FAM53A: variants seen among roughly 807,000 people sequenced by gnomAD.
FAM53A encodes protein FAM53A.
A neutral mutation model predicts 26.6 loss-of-function variants in FAM53A; 28 were observed. The ratio of observed to expected loss-of-function variants is 1.05; its 90% CI spans 0.78 to 1.45. FAM53A has a LOEUF of 1.45. Among genes scored for constraint, FAM53A ranks in the 40% most tolerant of loss-of-function variants. FAM53A has a pLI of 0.00. For missense variants in FAM53A, 650 were observed against 575.8 expected, an observed-to-expected ratio of 1.13 and a Z score of -1.32; for synonymous variants, 290 against 253.1, an observed-to-expected ratio of 1.15 and a Z score of -1.38.
In FAM53A at chr4:1,659,401, C is replaced by A. The variant is rs55656010; in HGVS notation, c.76-1933G>T. Among the ~76,000 whole-genome samples the A allele has an allele frequency of 0.28, 42,716 of 152,174 alleles. 6,568 individuals are homozygous for A. Among genetic ancestry groups the A allele is most frequent in the Middle Eastern group, 0.47 (138 of 294 alleles). On this transcript the variant is annotated intron_variant, in intron 2 of 4. Transcript: ENST00000308132. The surrounding 1 kb of genome is among the most constrained non-coding windows in gnomAD (Gnocchi z 5.2). ...TCCGCACAGCACCCGTTCCCCGGGG[C>A]CACATGAACAGCACCCAGCTCGACG...
At chr4:1,627,093 C>T (rs1372095811) in intron 1 of FAM53A, among the ~76,000 whole-genome samples, 1 of 152,196 alleles carries the variant, frequency 6.6e-6, no homozygotes, top group Non-Finnish European at 1.5e-5. Context: ...GAGGGTGGGG[C>T]TTCGCTCCGG....
the FAM53A span, among the ~76,000 whole-genome samples, chr4:1,595,544 TG>T: frequency 6.6e-6 from 1 of 152,050 alleles, no homozygotes; most frequent in Non-Finnish European, 1.5e-5. Flanking sequence ...GTGGGAGCCC[TG>T]GGAAGTCACC....
At chr4:1,604,702 C>T in the FAM53A span, among the ~76,000 whole-genome samples, 1 of 152,150 alleles carries the variant, frequency 6.6e-6, no homozygotes, top group African/African-American at 2.4e-5. Flanking sequence ...GGGGCCCTTC[C>T]CGGGACTAAC....
At chr4:1,604,237 C>T in the FAM53A span, among the ~76,000 whole-genome samples, 77 of 152,304 alleles carry the variant, frequency 5.1e-4, no homozygotes, top group South Asian at 0.012. Flanking sequence ...TCGAGGCTGC[C>T]GCACCCACCC....
chr4:1,679,729 A>C (rs1023539191), intron 1 of FAM53A, among the ~76,000 whole-genome samples: 48 of 151,040 alleles, frequency 3.2e-4, no homozygotes, highest in African/African-American at 1.2e-3. Context: ...TAAAGAAAAA[A>C]TTGGGGCAAA....
At chr4:1,649,474 C>G (rs1712557153) in intron 4 of FAM53A, among the ~76,000 whole-genome samples, 1 of 152,216 alleles carries the variant, frequency 6.6e-6, no homozygotes, top group South Asian at 2.1e-4. Context: ...GAGCCCGATC[C>G]TCCTCCCACT....
intron 1 of FAM53A, among the ~76,000 whole-genome samples, chr4:1,676,239 G>A (rs190808480): frequency 1.0e-3 from 155 of 152,222 alleles, no homozygotes; most frequent in Admixed American, 2.0e-3. Context: ...TCTGGGGAGG[G>A]ACTGATCAGG....
the FAM53A span, among the ~76,000 whole-genome samples, chr4:1,609,349 C>T: frequency 6.6e-6 from 1 of 152,108 alleles, no homozygotes; most frequent in Non-Finnish European, 1.5e-5. Context: ...CACGGGAAGG[C>T]CCAGGCCTGC....
intron 1 of FAM53A, among the ~76,000 whole-genome samples, chr4:1,633,597 T>C (rs1715707755): frequency 6.6e-6 from 1 of 151,884 alleles, no homozygotes; most frequent in African/African-American, 2.4e-5. Context: ...AATTAATGAA[T>C]TGGAAACAAG....
the FAM53A span, among the ~76,000 whole-genome samples, chr4:1,577,907 C>T: frequency 2.5e-5 from 2 of 78,790 alleles, no homozygotes; most frequent in South Asian, 9.1e-4. Context: ...GGCTGCGGGT[C>T]GGGGGCTGCA....
intron 1 of FAM53A, among the ~76,000 whole-genome samples, chr4:1,622,628 G>A (rs1297065795): frequency 6.6e-6 from 1 of 152,246 alleles, no homozygotes; most frequent in South Asian, 2.1e-4. Context: ...TGCCCATTTG[G>A]GGGTCTGGCG....
the FAM53A span, among the ~76,000 whole-genome samples, chr4:1,595,736 C>T: frequency 6.6e-6 from 1 of 152,244 alleles, no homozygotes; most frequent in African/African-American, 2.4e-5. Flanking sequence ...TCCAGCCGGG[C>T]AGAGAGGAAG....
chr4:1,677,363 T>C (rs1461537137), intron 1 of FAM53A, among the ~76,000 whole-genome samples: 4 of 152,194 alleles, frequency 2.6e-5, no homozygotes, highest in Non-Finnish European at 4.4e-5. Context: ...CTTGCTGCTG[T>C]TGCCGCTGTT....
chr4:1,612,631 G>A, the FAM53A span, among the ~76,000 whole-genome samples: 1 of 152,186 alleles, frequency 6.6e-6, no homozygotes, highest in African/African-American at 2.4e-5. Context: ...ATACAAGCCT[G>A]GTGCATGCAC....
intron 1 of FAM53A, among the ~76,000 whole-genome samples, chr4:1,679,193 T>C (rs554565641): frequency 2.6e-5 from 4 of 152,110 alleles, no homozygotes; most frequent in African/African-American, 9.7e-5. Context: ...AACCCCAGCC[T>C]GGCCAACATG....
the FAM53A span, among the ~76,000 whole-genome samples, chr4:1,578,501 G>A: frequency 6.6e-6 from 1 of 151,960 alleles, no homozygotes; most frequent in African/African-American, 2.4e-5. Context: ...AACGTGTGGG[G>A]GTAGGAGGTG....
chr4:1,662,254 G>A (rs1713887199), intron 2 of FAM53A, among the ~76,000 whole-genome samples: 1 of 152,008 alleles, frequency 6.6e-6, no homozygotes, highest in South Asian at 2.1e-4. Context: ...GCCAAGGCAG[G>A]CGGATCACAA....
the FAM53A span, among the ~76,000 whole-genome samples, chr4:1,597,172 C>G: frequency 6.6e-6 from 1 of 152,138 alleles, no homozygotes; most frequent in African/African-American, 2.4e-5. Flanking sequence ...AGAACACAGA[C>G]ACCGGGCACC....
At chr4:1,582,270 C>T in the FAM53A span, among the ~76,000 whole-genome samples, 7 of 152,256 alleles carry the variant, frequency 4.6e-5, no homozygotes, top group Admixed American at 4.6e-4. Context: ...GTGACCTATA[C>T]TCCAGCCAGG....
Sources: gnomAD v4.1 joint callset for allele counts (sites outside exome capture counted in the v4.1 genomes callset) on GRCh38, gnomAD v4.1.1 for gene constraint, Gnocchi (gnomAD v3.1) non-coding constraint, MANE v1.5 for transcripts, NCBI Gene and HGNC (gene_info 2026-07-23, HGNC 2026-07-21) for gene names.